NEGR1: variants seen among roughly 807,000 people sequenced by gnomAD.
The protein encoded by NEGR1 is neuronal growth regulator 1.
NEGR1 carries 10 observed loss-of-function variants against 40.9 expected under a neutral mutation model. The ratio of observed to expected loss-of-function variants is 0.24; its 90% CI spans 0.15 to 0.42. The LOEUF (loss-of-function observed/expected upper bound fraction) is 0.42, where lower values mean the gene tolerates loss of function less well. Among genes scored for constraint, NEGR1 ranks in the 10% least tolerant of loss-of-function variants. The pLI is 1.00. For missense variants in NEGR1, 352 were observed against 438.9 expected (o/e 0.80, Z 1.77); for synonymous variants, 185 against 166.8 (o/e 1.11, Z -0.84).
intron 2 of NEGR1, among the ~76,000 whole-genome samples, chr1:71,910,328 T>A (rs768401120): frequency 5.3e-4 from 81 of 152,206 alleles, no homozygotes; most frequent in Non-Finnish European, 9.1e-4. Flanking sequence ...TTGGGAAGGA[T>A]CTTGGTACAA....
At chr1:71,628,260 A>G (rs1650851509) in intron 4 of NEGR1, among the ~76,000 whole-genome samples, 1 of 152,022 alleles carries the variant, frequency 6.6e-6, no homozygotes, top group South Asian at 2.1e-4. Context: ...GGTCAATACT[A>G]TGTCATAAAC....
chr1:71,840,614 C>A (rs796833543), intron 2 of NEGR1, among the ~76,000 whole-genome samples: 17 of 152,114 alleles, frequency 1.1e-4, no homozygotes, highest in African/African-American at 3.9e-4. Flanking sequence ...TTATGATACT[C>A]AGAGTAATCA....
At chr1:72,031,420 G>A (rs557066498) in intron 1 of NEGR1, among the ~76,000 whole-genome samples, 15 of 152,126 alleles carry the variant, frequency 9.9e-5, no homozygotes, top group African/African-American at 3.6e-4. Context: ...AAATTTTGCT[G>A]GACATTTTGT....
At chr1:71,848,728 G>A (rs531615522) in intron 2 of NEGR1, among the ~76,000 whole-genome samples, 2 of 152,156 alleles carry the variant, frequency 1.3e-5, no homozygotes, top group Non-Finnish European at 2.9e-5. Flanking sequence ...GCCCACTAAC[G>A]AAACATCCTT....
At position 71,570,255 on chromosome 1, in the gene NEGR1, A is replaced by G. The variant is rs1648767450; in HGVS notation, c.940+22562T>C. Among the ~76,000 whole-genome samples the G allele has an allele frequency of 2.0e-5, 3 of 152,188 alleles. No individual in the cohort carries two copies. In the South Asian group the frequency reaches 6.2e-4, roughly 32 times the overall value. On this transcript the variant is annotated intron_variant, in intron 6 of 6. Transcript: ENST00000357731. The stretch of plus-strand genomic sequence containing the variant: ...TGGCTTGGATTTTTTTGTACATGGC[A>G]TTTTCTTTGACAAGTGACAGATGGT...
intron 6 of NEGR1, among the ~76,000 whole-genome samples, chr1:71,431,710 A>G (rs1646470789): frequency 1.3e-5 from 2 of 152,214 alleles, no homozygotes; most frequent in Admixed American, 1.3e-4. Context: ...ATTTTGGGCA[A>G]ACAAATAAAC....
At chr1:72,196,050 T>C (rs1190083326) in intron 1 of NEGR1, among the ~76,000 whole-genome samples, 1 of 152,024 alleles carries the variant, frequency 6.6e-6, no homozygotes, top group East Asian at 1.9e-4. Flanking sequence ...GCACAATCTT[T>C]AAAAAAATTT....
At chr1:71,894,902 C>CAGT (rs1278821254) in intron 2 of NEGR1, among the ~76,000 whole-genome samples, 1 of 151,680 alleles carries the variant, frequency 6.6e-6, no homozygotes, top group Non-Finnish European at 1.5e-5. Context: ...CTGGGCAACA[C>CAGT]AGTGAGACTC....
chr1:71,932,781 C>T (rs566241304), intron 2 of NEGR1, among the ~76,000 whole-genome samples: 1 of 152,170 alleles, frequency 6.6e-6, no homozygotes, highest in Non-Finnish European at 1.5e-5. Flanking sequence ...CAAAACTATG[C>T]TGATACCCCT....
At position 72,078,477 on chromosome 1, in the gene NEGR1, G is replaced by GA. The variant is rs556125467; in HGVS notation, c.177-143167dup. Among the ~76,000 whole-genome samples the GA allele has an allele frequency of 2.4e-4, 37 of 151,940 alleles. 1 individual carries two copies. In the South Asian group the frequency reaches 6.7e-3, roughly 27 times the overall value. ...CTAACCTTGAAGTCTAAACTTTTATGAATCTATTTTTGCTGTTAGATATGT... is the reference window on the plus strand; with the variant it reads ...CTAACCTTGAAGTCTAAACTTTTATGAAATCTATTTTTGCTGTTAGATATGT... On this transcript the variant is annotated intron_variant, in intron 1 of 6. Transcript: ENST00000357731.
chr1:71,510,520 G>A (rs939850791), intron 6 of NEGR1, among the ~76,000 whole-genome samples: 3 of 152,174 alleles, frequency 2.0e-5, no homozygotes, highest in Non-Finnish European at 2.9e-5. Context: ...TGAAGGTCAC[G>A]ATAAGCGAAC....
intron 1 of NEGR1, among the ~76,000 whole-genome samples, chr1:72,263,601 T>C (rs1233605202): frequency 1.3e-5 from 2 of 151,620 alleles, no homozygotes; most frequent in African/African-American, 2.4e-5. Flanking sequence ...GACCTTAAAA[T>C]TGCTTCTTAA....
chr1:72,004,255 A>G (rs1321638424), intron 1 of NEGR1, among the ~76,000 whole-genome samples: 3 of 152,176 alleles, frequency 2.0e-5, no homozygotes, highest in African/African-American at 7.2e-5. Flanking sequence ...AGGTATTTAT[A>G]TATAGAGAGA....
At chr1:71,667,788 G>C (rs1652291421) in intron 4 of NEGR1, among the ~76,000 whole-genome samples, 1 of 152,100 alleles carries the variant, frequency 6.6e-6, no homozygotes, top group Admixed American at 6.6e-5. Flanking sequence ...CTAGCTTTGT[G>C]AGTGTGGGCA....
intron 1 of NEGR1, among the ~76,000 whole-genome samples, chr1:72,058,142 C>CT (rs1647129111): frequency 6.6e-6 from 1 of 151,572 alleles, no homozygotes; most frequent in Non-Finnish European, 1.5e-5. Context: ...AGGGTCTGGG[C>CT]TTTCCCTTCA....
At chr1:72,178,618 C>A (rs1297422904) in intron 1 of NEGR1, among the ~76,000 whole-genome samples, 2 of 151,616 alleles carry the variant, frequency 1.3e-5, no homozygotes, top group Non-Finnish European at 2.9e-5. Flanking sequence ...TTCAATTAAA[C>A]ATGACTAACT....
intron 2 of NEGR1, among the ~76,000 whole-genome samples, chr1:71,886,236 T>C (rs1233355969): frequency 2.0e-5 from 3 of 152,162 alleles, no homozygotes; most frequent in African/African-American, 7.2e-5. Flanking sequence ...TGTTCTCCCC[T>C]GAGAATTATG....
At chr1:71,973,078 G>T (rs1646271497) in intron 1 of NEGR1, among the ~76,000 whole-genome samples, 1 of 151,940 alleles carries the variant, frequency 6.6e-6, no homozygotes, top group African/African-American at 2.4e-5. Flanking sequence ...AATTCATAAG[G>T]CACTCAGTTA....
chr1:71,559,807 C>T (rs1429086774), intron 6 of NEGR1, among the ~76,000 whole-genome samples: 2 of 146,642 alleles, frequency 1.4e-5, no homozygotes, highest in East Asian at 4.0e-4. Context: ...TCTCTTAAAT[C>T]ACAATACAGT....
Sources: gnomAD v4.1 joint callset for allele counts (sites outside exome capture counted in the v4.1 genomes callset) on GRCh38, gnomAD v4.1.1 for gene constraint, MANE v1.5 for transcripts, NCBI Gene and HGNC (gene_info 2026-07-23, HGNC 2026-07-21) for gene names.